TYW1B: variants seen among roughly 807,000 people sequenced by gnomAD.
The protein encoded by TYW1B is S-adenosyl-L-methionine-dependent tRNA 4-demethylwyosine synthase TYW1B.
Under a neutral mutation model 86.9 loss-of-function variants are expected in TYW1B, and 73 were observed. The observed-to-expected ratio is 0.84, with a 90% CI of 0.70 to 1.02. The LOEUF (loss-of-function observed/expected upper bound fraction) is 1.02, where lower values mean the gene tolerates loss of function less well. TYW1B is among the 50% of genes least tolerant of loss of function. The probability of loss-of-function intolerance (pLI) is 0.00; values close to 1 mark genes in which losing one functional copy is unlikely to be tolerated. For missense variants in TYW1B, 637 were observed against 827.4 expected (o/e 0.77, Z 2.82); for synonymous variants, 248 against 292.8 (o/e 0.85, Z 1.56).
At chr7:72,823,609 A>G (rs1393699140) in intron 2 of TYW1B, among the ~76,000 whole-genome samples, 10 of 151,894 alleles carry the variant, frequency 6.6e-5, no homozygotes, top group African/African-American at 2.4e-4. Context: ...ACACAGGGAG[A>G]CTCCATCTCA....
At chr7:72,632,237 T>A (rs532852524) in intron 11 of TYW1B, among the ~76,000 whole-genome samples, 263 of 131,848 alleles carry the variant, frequency 2.0e-3, no homozygotes, top group African/African-American at 7.8e-3. Context: ...CCAGCCTGGG[T>A]GACAGAGCAA....
chr7:72,702,861 T>C (rs563101528), intron 10 of TYW1B, among the ~76,000 whole-genome samples: 35 of 152,102 alleles, frequency 2.3e-4, no homozygotes, highest in African/African-American at 7.9e-4. Context: ...GTGATCATTT[T>C]TGCCAGTATT....
At chr7:72,693,141 A>T (rs1419937709) in intron 11 of TYW1B, among the ~76,000 whole-genome samples, 3 of 152,130 alleles carry the variant, frequency 2.0e-5, no homozygotes, top group Admixed American at 6.6e-5. Context: ...GATGTCAAGA[A>T]GGCACAAAGA....
chr7:72,680,177 T>C (rs1813835150), intron 11 of TYW1B, among the ~76,000 whole-genome samples: 2 of 152,104 alleles, frequency 1.3e-5, no homozygotes, highest in African/African-American at 4.8e-5. Flanking sequence ...ATGCAAAGTA[T>C]TGCTCCTGGG....
chr7:72,809,683 T>G (rs183858479), intron 4 of TYW1B, among the ~76,000 whole-genome samples: 106 of 152,114 alleles, frequency 7.0e-4, no homozygotes, highest in Non-Finnish European at 1.3e-3. Flanking sequence ...AAAAAAATTT[T>G]TTTTAAGAGT....
intron 9 of TYW1B, among the ~76,000 whole-genome samples, chr7:72,721,645 C>A (rs1786905419): frequency 6.6e-6 from 1 of 152,074 alleles, no homozygotes; most frequent in African/African-American, 2.4e-5. Flanking sequence ...CACGCACACA[C>A]ACACAGGCAC....
At chr7:72,639,914 T>C (rs868935108) in intron 11 of TYW1B, among the ~76,000 whole-genome samples, 3 of 150,466 alleles carry the variant, frequency 2.0e-5, no homozygotes, top group Non-Finnish European at 3.0e-5. Flanking sequence ...TCAAACAATA[T>C]GCAAAAGTAA....
Position 72,798,390 on chromosome 7 carries a change from CA to C in TYW1B, c.846+4009del, listed in dbSNP as rs782020414. Among the ~76,000 whole-genome samples, 710 of 140,888 alleles carry C rather than the reference CA, an allele frequency of 5.0e-3. 3 individuals carry two copies. Among genetic ancestry groups the C allele is most frequent in the African/African-American group, 0.016 (600 of 38,390 alleles). 92.4% of individuals were successfully genotyped at this position (140,888 alleles called of 152,430 possible). On this transcript the variant is annotated intron_variant, in intron 6 of 13. Transcript: ENST00000620995. Reference sequence around the variant, plus strand: ...TGGGCGACAGAGCAAGACTCCGTCTCAAAAAAAAAAAATAAGTCGATATCAG... The same window carrying C: ...TGGGCGACAGAGCAAGACTCCGTCTCAAAAAAAAAAATAAGTCGATATCAG...
At chr7:72,578,174 C>T (rs1192476533) in intron 13 of TYW1B, among the ~76,000 whole-genome samples, 3 of 147,254 alleles carry the variant, frequency 2.0e-5, no homozygotes, top group Admixed American at 6.9e-5. Context: ...AGTGCAGTGG[C>T]GCAATCTCGG....
intron 9 of TYW1B, among the ~76,000 whole-genome samples, chr7:72,714,359 G>A (rs1786735138): frequency 6.6e-6 from 1 of 152,070 alleles, no homozygotes. Flanking sequence ...GCTCACACCT[G>A]TATTCCCAGC....
chr7:72,580,651 C>T (rs1271914220), intron 13 of TYW1B, among the ~76,000 whole-genome samples: 4 of 152,152 alleles, frequency 2.6e-5, no homozygotes, highest in Non-Finnish European at 5.9e-5. Flanking sequence ...TCCTCTTTCA[C>T]ACAGGGAGAA....
At chr7:72,689,271 T>C (rs568875126) in intron 11 of TYW1B, among the ~76,000 whole-genome samples, 2 of 152,280 alleles carry the variant, frequency 1.3e-5, no homozygotes, top group East Asian at 3.9e-4. Flanking sequence ...AGAAGATATA[T>C]TTCATCGACT....
intron 7 of TYW1B, among the ~76,000 whole-genome samples, chr7:72,775,925 A>C (rs1338389619): frequency 1.3e-5 from 2 of 152,174 alleles, no homozygotes; most frequent in African/African-American, 4.8e-5. Context: ...GTTTTGATTG[A>C]GTTAGATATA....
chr7:72,793,810 T>C (rs1788261342), intron 6 of TYW1B, among the ~76,000 whole-genome samples: 1 of 151,212 alleles, frequency 6.6e-6, no homozygotes, highest in Non-Finnish European at 1.5e-5. Flanking sequence ...GTAGAGAGCA[T>C]GGAGGTAATG....
At chr7:72,669,602 A>C in intron 11 of TYW1B, among the ~76,000 whole-genome samples, 1 of 146,886 alleles carries the variant, frequency 6.8e-6, no homozygotes, top group East Asian at 2.0e-4. Flanking sequence ...CCTGCCTCTT[A>C]AAAAAAAAAA....
chr7:72,701,593 C>G (rs13237766), intron 10 of TYW1B, among the ~76,000 whole-genome samples: 575 of 152,222 alleles, frequency 3.8e-3, no homozygotes, highest in Non-Finnish European at 4.6e-3. Context: ...GTGGCAACTC[C>G]GGAAATCAGA....
chr7:72,627,510 CAT>C (rs1563036274), intron 12 of TYW1B, among the ~76,000 whole-genome samples: 95 of 114,316 alleles, frequency 8.3e-4, no homozygotes, highest in African/African-American at 2.5e-3. Flanking sequence ...CATAACATAA[CAT>C]AAATAAAATA....
Position 72,745,713 on chromosome 7 carries a change from G to T in TYW1B, c.965-1112C>A, listed in dbSNP as rs544653273. Among the ~76,000 whole-genome samples, 3 of 151,962 alleles carry T rather than the reference G, an allele frequency of 2.0e-5. No homozygotes were observed. In the East Asian group the frequency reaches 5.9e-4, roughly 30 times the overall value. ...GAAATCAATGTCATTCCCCACTGAG[G>T]GGCAAAACAGAGGAAGTCATCCAAA... On this transcript the variant is annotated intron_variant, in intron 7 of 13. Transcript: ENST00000620995.
At chr7:72,761,092 A>G (rs1227209499) in intron 7 of TYW1B, among the ~76,000 whole-genome samples, 7 of 152,210 alleles carry the variant, frequency 4.6e-5, no homozygotes, top group Non-Finnish European at 7.3e-5. Flanking sequence ...TAAATGGGAT[A>G]AATGCTTATA....
Sources: allele counts gnomAD v4.1 joint callset (sites outside exome capture counted in the v4.1 genomes callset), GRCh38; gene constraint gnomAD v4.1.1; transcripts MANE v1.5; gene names NCBI Gene and HGNC (gene_info 2026-07-23, HGNC 2026-07-21).